Variants in TPH1 observed in about 807,000 individuals in gnomAD.
The protein encoded by TPH1 is tryptophan 5-hydroxylase 1.
Under a neutral mutation model 49.5 loss-of-function variants are expected in TPH1, and 37 were observed. The observed-to-expected ratio is 0.75, with a 90% CI of 0.58 to 0.98. The LOEUF is 0.98. Ranked by LOEUF, TPH1 falls within the 50% of genes least tolerant of loss-of-function variation. TPH1 has a pLI of 0.00. For synonymous variants in TPH1, 160 were observed against 182.1 expected, an observed-to-expected ratio of 0.88 and a Z score of 0.98; for missense variants, 487 against 523.6, an observed-to-expected ratio of 0.93 and a Z score of 0.68.
intron 2 of TPH1, among the ~76,000 whole-genome samples, chr11:18,036,776 T>C (rs919381022): frequency 2.6e-5 from 4 of 152,196 alleles, no homozygotes; most frequent in African/African-American, 9.6e-5. Flanking sequence ...AATCACCCTA[T>C]AGTTTTTTCA....
intron 4 of TPH1, 74 bp downstream of exon 4, chr11:18,033,200 C>G: frequency 8.6e-7 from 1 of 1,157,736 alleles, no homozygotes; most frequent in Admixed American, 1.7e-5. Context: ...TTGCAGTAAG[C>G]CGAGATCGTG....
chr11:18,017,888 C>T lies in TPH1; in HGVS notation c.*3103G>A, dbSNP rs540193008. ...CAGCTTTTGAGCATCCTTAAGAAGT[C>T]ATGAAGATATTAACTATGTCTTTGA... On this transcript the variant is annotated 3_prime_UTR_variant, in exon 11 of 11. Transcript: ENST00000682019. 2 of 152,292 alleles carry T rather than the reference C, an allele frequency of 1.3e-5. No homozygotes were observed. Among genetic ancestry groups the T allele is most frequent in the East Asian group, 3.9e-4 (2 of 5,190 alleles). The allele number at this position is 152,292 out of a possible 1,614,324, so 9.4% of individuals were successfully genotyped here.
At chr11:18,023,645 A>G (rs1374633739) in intron 9 of TPH1, among the ~76,000 whole-genome samples, 1 of 152,090 alleles carries the variant, frequency 6.6e-6, no homozygotes, top group African/African-American at 2.4e-5. Flanking sequence ...GCTGTTCCCC[A>G]TAAATGCCCT....
chr11:18,026,392 C>CGAAA, intron 7 of TPH1, 98 bp downstream of exon 7: 1 of 914,918 alleles, frequency 1.1e-6, no homozygotes, highest in East Asian at 2.6e-5. Flanking sequence ...TCCTCGCACA[C>CGAAA]CAAAAAAAAA....
At chr11:18,044,967 C>A (rs535239074) in intron 1 of TPH1, among the ~76,000 whole-genome samples, 15 of 152,286 alleles carry the variant, frequency 9.8e-5, no homozygotes, top group African/African-American at 3.4e-4. Flanking sequence ...CTGTGTAGGA[C>A]ATACCACTGG....
chr11:18,045,920 A>T (rs1848136531), intron 1 of TPH1, among the ~76,000 whole-genome samples: 1 of 152,032 alleles, frequency 6.6e-6, no homozygotes, highest in African/African-American at 2.4e-5. Context: ...CTTGGGTTGG[A>T]CTCTGGACCC....
chr11:18,035,390 CTTTTTCTTTCT>C (rs1266360228), intron 3 of TPH1, among the ~76,000 whole-genome samples: 2 of 90,172 alleles, frequency 2.2e-5, no homozygotes, highest in African/African-American at 4.5e-5. Flanking sequence ...TCTTTTCTTT[CTTTTTCTTTCT>C]TTTTTCTTTC....
At position 18,020,898 on chromosome 11, in the gene TPH1, T is replaced by C. The variant is rs563207119; in HGVS notation, c.*93A>G. The C allele has an allele frequency of 3.3e-6, 4 of 1,200,410 alleles. No individual in the cohort carries two copies. The highest frequency in any genetic ancestry group is 4.7e-5 in the East Asian group (2 of 42,842). The allele number at this position is 1,200,410 out of a possible 1,614,324, so 74.4% of individuals were successfully genotyped here. Reference sequence around the variant, plus strand: ...TCGATAATATTGTTTGGCCAGAAGATGCTGTCCCTCCAGGATCAGGTGTTC... The same window carrying C: ...TCGATAATATTGTTTGGCCAGAAGACGCTGTCCCTCCAGGATCAGGTGTTC... On this transcript the variant is annotated 3_prime_UTR_variant, in exon 11 of 11. Coordinates refer to ENST00000682019, the MANE Select transcript of TPH1 (RefSeq NM_004179.3).
chr11:18,035,325 A>G (rs570260214), intron 3 of TPH1, among the ~76,000 whole-genome samples: 33 of 152,154 alleles, frequency 2.2e-4, no homozygotes, highest in Admixed American at 5.2e-4. Context: ...AGAGATAATC[A>G]ATTATCAATT....
chr11:18,038,676 A>G (rs1564859744), intron 2 of TPH1, among the ~76,000 whole-genome samples: 1 of 152,206 alleles, frequency 6.6e-6, no homozygotes, highest in South Asian at 2.1e-4. Flanking sequence ...AAAAAAATTA[A>G]ATGGAACTTT....
intron 4 of TPH1, among the ~76,000 whole-genome samples, chr11:18,032,898 C>T (rs1449178348): frequency 1.3e-5 from 2 of 152,096 alleles, no homozygotes; most frequent in Non-Finnish European, 2.9e-5. Context: ...AGAAAAAACA[C>T]TTTCTCTAAA....
intron 4 of TPH1, among the ~76,000 whole-genome samples, chr11:18,031,422 C>A (rs1847989179): frequency 6.6e-6 from 1 of 152,076 alleles, no homozygotes; most frequent in Non-Finnish European, 1.5e-5. Context: ...CTGCTACAAT[C>A]ATTTGTGTAT....
chr11:18,044,542 TC>T (rs142680667), intron 1 of TPH1, among the ~76,000 whole-genome samples: 4 of 151,612 alleles, frequency 2.6e-5, no homozygotes, highest in African/African-American at 4.9e-5. Flanking sequence ...TCTTTTTTGT[TC>T]CCCCCCACCC....
Position 18,036,275 on chromosome 11 carries a change from A to G in TPH1, c.118-133T>C. 2.9e-6 allele frequency: 2 copies of G among 688,454 alleles called. 1 individual carries two copies. Among genetic ancestry groups the G allele is most frequent in the South Asian group, 3.5e-5 (2 of 56,340 alleles). 42.6% of individuals were successfully genotyped at this position (688,454 alleles called of 1,614,324 possible). ...CAGCAAAGGGAAAAAGACTGTTTTT[A>G]GTGCTGCCAACAACAAAATAATTCC... On this transcript the variant is annotated intron_variant, in intron 2 of 10. Coordinates refer to ENST00000682019, the MANE Select transcript of TPH1 (RefSeq NM_004179.3).
In TPH1 at chr11:18,019,988, C is replaced by G; in HGVS notation, c.*1003G>C. 3.6e-6 allele frequency: 1 copy of G among 281,142 alleles called. No individual in the cohort carries two copies. Among genetic ancestry groups the G allele is most frequent in the Non-Finnish European group, 7.0e-6 (1 of 143,256 alleles). 17.4% of individuals were successfully genotyped at this position (281,142 alleles called of 1,614,324 possible). On this transcript the variant is annotated 3_prime_UTR_variant, in exon 11 of 11. Coordinates refer to ENST00000682019, the MANE Select transcript of TPH1 (RefSeq NM_004179.3). ...TTGCATACCTTTCTGTTTATGGCCTCACCTTATACCTTAGAAATAAAGTAC... is the reference window on the plus strand; with the variant it reads ...TTGCATACCTTTCTGTTTATGGCCTGACCTTATACCTTAGAAATAAAGTAC...
At position 18,035,338 on chromosome 11, in the gene TPH1, T is replaced by C. The variant is rs901946060; in HGVS notation, c.301+621A>G. 3.9e-5 allele frequency among the ~76,000 whole-genome samples: 6 copies of C among 152,230 alleles called. No homozygotes were observed. The South Asian group carries it at 1.2e-3, about 32-fold the overall frequency. On this transcript the variant is annotated intron_variant, in intron 3 of 10. Transcript: ENST00000682019. ...TGAGAGATAATCAATTATCAATTTC[T>C]GATTATGCCAAATTGTCTGTCTTTC...
Position 18,031,235 on chromosome 11 carries a change from C to G in TPH1, c.403-1656G>C, listed in dbSNP as rs1267241833. Among the ~76,000 whole-genome samples the G allele has an allele frequency of 2.6e-5, 4 of 152,176 alleles. No individual in the cohort carries two copies. In the South Asian group the frequency reaches 8.3e-4, roughly 32 times the overall value. On this transcript the variant is annotated intron_variant, in intron 4 of 10. Transcript: ENST00000682019. ...TCATACAATATGGGACCTTTTGTCA[C>G]TAGCTTCTTTCATTCATCATAATGT...
At chr11:18,043,335 C>A (rs1460575682) in intron 1 of TPH1, among the ~76,000 whole-genome samples, 1 of 152,172 alleles carries the variant, frequency 6.6e-6, no homozygotes, top group Non-Finnish European at 1.5e-5. Flanking sequence ...CCAGCTGCTG[C>A]GGCTCATGCC....
At chr11:18,045,719 G>C (rs893317246) in intron 1 of TPH1, among the ~76,000 whole-genome samples, 1 of 152,204 alleles carries the variant, frequency 6.6e-6, no homozygotes, top group Non-Finnish European at 1.5e-5. Flanking sequence ...CGTCTGTTGG[G>C]ATGGTGGTGA....
Sources: allele counts gnomAD v4.1 joint callset (sites outside exome capture counted in the v4.1 genomes callset), GRCh38; gene constraint gnomAD v4.1.1; transcripts MANE v1.5; gene names NCBI Gene and HGNC (gene_info 2026-07-23, HGNC 2026-07-21).